The following FAM246A variants were observed in gnomAD, a reference collection of about 807,000 sequenced individuals.
The protein encoded by FAM246A is protein FAM246A.
exon 1 of FAM246A, among the ~76,000 whole-genome samples, chr22:21,361,253 C>G (rs1362316264): frequency 6.7e-6 from 1 of 149,978 alleles, no homozygotes; most frequent in African/African-American, 2.4e-5. Context: ...CTCGCTGGCT[C>G]TGTACGCACT....
Position 21,360,807 on chromosome 22 carries a change from C to A in FAM246A, c.493G>T (p.Glu165Ter), listed in dbSNP as rs1921838508. Residue 165 changes from glutamate (E) to a stop codon, truncating the protein, a stop_gained, in exon 1 of 1, where the codon GAG (glutamate) becomes TAG (stop). Coordinates refer to ENST00000652479, the Ensembl canonical transcript of FAM246A. LOFTEE classifies it high-confidence loss of function. The stretch of plus-strand genomic sequence containing the variant: ...GTGGCGCGGGGGACGGCGCGGGGCT[C>A]GCGGCGGGCAGGCGGGGACGGCGGC... Among the ~76,000 whole-genome samples the A allele has an allele frequency of 7.0e-6, 1 of 143,422 alleles. No individual in the cohort carries two copies. Among genetic ancestry groups the A allele is most frequent in the African/African-American group, 2.6e-5 (1 of 38,552 alleles). 94.1% of individuals were successfully genotyped at this position (143,422 alleles called of 152,430 possible).
chr22:21,360,665 G>C lies in FAM246A; in HGVS notation c.635C>G (p.Pro212Arg), dbSNP rs961304138. The change falls in exon 1 of 1, where the codon CCG (proline) becomes CGG (arginine). Residue 212 changes from proline to arginine, a missense_variant. By Grantham distance (103) the Pro-to-Arg change is moderately radical (BLOSUM62 -2). Coordinates refer to ENST00000652479, the Ensembl canonical transcript of FAM246A. ...CATCTTCTTGTGGTTCTTCCTGACC[G>C]GGGCTCGGTGCGCTCCGCATTCTGC... 1.7e-3 allele frequency among the ~76,000 whole-genome samples: 252 copies of C among 146,222 alleles called. 16 individuals are homozygous for C. The highest frequency in any genetic ancestry group is 6.3e-3 in the African/African-American group (245 of 38,810).
chr22:21,360,868 C>G (rs1354078383), exon 1 of FAM246A, among the ~76,000 whole-genome samples: 1 of 145,624 alleles, frequency 6.9e-6, no homozygotes, highest in Non-Finnish European at 1.5e-5. Context: ...CGTCCAGCTC[C>G]GCTCGAAGCT....
At chr22:21,360,765 G>A (rs1921836201) in exon 1 of FAM246A, among the ~76,000 whole-genome samples, 1 of 147,232 alleles carries the variant, frequency 6.8e-6, no homozygotes, top group Non-Finnish European at 1.5e-5. Context: ...GTCCGCAGCA[G>A]GGTCGGGCCG....
exon 1 of FAM246A, among the ~76,000 whole-genome samples, chr22:21,360,704 G>C (rs916935532): frequency 6.8e-6 from 1 of 147,072 alleles, no homozygotes; most frequent in Non-Finnish European, 1.5e-5. Context: ...GCCGTCCGGG[G>C]CGTCGTCTGC....
rs1009793944 is a variant in FAM246A, at chr22:21,360,764, A to G, written c.536T>C (p.Leu179Pro). The change falls in exon 1 of 1, where the codon CTG (leucine) becomes CCG (proline). Residue 179 changes from leucine (L) to proline (P), a missense_variant. Physicochemically the swap from Leu to Pro is moderately conservative, Grantham distance 98 (BLOSUM62 -3). Coordinates refer to ENST00000652479, the Ensembl canonical transcript of FAM246A. ...GCTCACGGTGCCGAGCGTCCGCAGC[A>G]GGGTCGGGCCGCGGGGCGTGGCGCG... Among the ~76,000 whole-genome samples the G allele has an allele frequency of 1.6e-4, 24 of 147,118 alleles. 1 individual carries two copies. The highest frequency in any genetic ancestry group is 5.8e-4 in the African/African-American group (23 of 39,596).
chr22:21,361,233 G>A (rs1423288209), exon 1 of FAM246A, among the ~76,000 whole-genome samples: 1 of 150,646 alleles, frequency 6.6e-6, no homozygotes, highest in African/African-American at 2.4e-5. Context: ...CCCGTGACGC[G>A]CCGCAGCACC....
At position 21,360,744 on chromosome 22, in the gene FAM246A, C is replaced by T. The variant is rs1478738633; in HGVS notation, c.556G>A (p.Val186Met). The change falls in exon 1 of 1, where the codon GTG becomes ATG. Residue 186 changes from valine to methionine, a missense_variant. Physicochemically the swap from Val to Met is conservative, Grantham distance 21. Coordinates refer to ENST00000652479, the Ensembl canonical transcript of FAM246A. Reference sequence around the variant, plus strand: ...CTGGAGGCGGCGACCAGGGCGCTCACGGTGCCGAGCGTCCGCAGCAGGGTC... The same window carrying T: ...CTGGAGGCGGCGACCAGGGCGCTCATGGTGCCGAGCGTCCGCAGCAGGGTC... Among the ~76,000 whole-genome samples the T allele has an allele frequency of 1.2e-4, 17 of 147,364 alleles. No individual in the cohort carries two copies. In the East Asian group the frequency reaches 3.2e-3, roughly 28 times the overall value.
exon 1 of FAM246A, among the ~76,000 whole-genome samples, chr22:21,361,054 G>GCCCGCCGCCCCGGCC (rs1192997827): frequency 6.8e-6 from 1 of 147,616 alleles, no homozygotes; most frequent in Non-Finnish European, 1.5e-5. Flanking sequence ...TCTCGCCCGC[G>GCCCGCCGCCCCGGCC]CCCGCCGCCC....
chr22:21,360,865 C>T (rs935779404), exon 1 of FAM246A, among the ~76,000 whole-genome samples: 7 of 145,674 alleles, frequency 4.8e-5, no homozygotes, highest in Admixed American at 4.7e-4. Flanking sequence ...GAGCGTCCAG[C>T]TCCGCTCGAA....
downstream of FAM246A, among the ~76,000 whole-genome samples, chr22:21,359,843 CTG>C (rs1921818071): frequency 7.4e-6 from 1 of 134,988 alleles, no homozygotes; most frequent in South Asian, 2.6e-4. Context: ...GAGGGTGACT[CTG>C]GAGAGATGTT....
At position 21,360,750 on chromosome 22, in the gene FAM246A, C is replaced by G. The variant is rs1193835611; in HGVS notation, c.550G>C (p.Gly184Arg). The change falls in exon 1 of 1, where the codon GGC becomes CGC. Residue 184 changes from glycine (G) to arginine (R), a missense_variant. Coordinates refer to ENST00000652479, the Ensembl canonical transcript of FAM246A. ...GCGGCGACCAGGGCGCTCACGGTGC[C>G]GAGCGTCCGCAGCAGGGTCGGGCCG... 1.2e-4 allele frequency among the ~76,000 whole-genome samples: 17 copies of G among 147,330 alleles called. No individual in the cohort carries two copies. The East Asian group carries it at 3.4e-3, about 29-fold the overall frequency.
exon 1 of FAM246A, among the ~76,000 whole-genome samples, chr22:21,360,767 G>A (rs1921836325): frequency 6.8e-6 from 1 of 147,204 alleles, no homozygotes; most frequent in Admixed American, 6.7e-5. Context: ...CCGCAGCAGG[G>A]TCGGGCCGCG....
At chr22:21,361,253 C>T (rs1362316264) in exon 1 of FAM246A, among the ~76,000 whole-genome samples, 2 of 149,978 alleles carry the variant, frequency 1.3e-5, no homozygotes, top group Admixed American at 6.6e-5. Context: ...CTCGCTGGCT[C>T]TGTACGCACT....
At chr22:21,361,210 G>A (rs1251842426) in exon 1 of FAM246A, among the ~76,000 whole-genome samples, 1 of 151,218 alleles carries the variant, frequency 6.6e-6, no homozygotes, top group Non-Finnish European at 1.5e-5. Context: ...GCGGCCCCGG[G>A]TCCCGCCGGC....
exon 1 of FAM246A, among the ~76,000 whole-genome samples, chr22:21,360,787 G>A (rs1304414710): frequency 6.8e-6 from 1 of 146,348 alleles, no homozygotes; most frequent in Admixed American, 6.7e-5. Flanking sequence ...GGGGCGTGGC[G>A]CGGGGGACGG....
exon 1 of FAM246A, among the ~76,000 whole-genome samples, chr22:21,361,169 C>T (rs1331975474): frequency 6.6e-6 from 1 of 151,554 alleles, no homozygotes; most frequent in Non-Finnish European, 1.5e-5. Context: ...GCCCGGGGCT[C>T]GGGCGTCTTC....
chr22:21,360,704 G>T (rs916935532), exon 1 of FAM246A, among the ~76,000 whole-genome samples: 1 of 147,072 alleles, frequency 6.8e-6, no homozygotes, highest in Non-Finnish European at 1.5e-5. Flanking sequence ...GCCGTCCGGG[G>T]CGTCGTCTGC....
At position 21,360,761 on chromosome 22, in the gene FAM246A, A is replaced by G. The variant is rs892601859; in HGVS notation, c.539T>C (p.Leu180Pro). ...GGCGCTCACGGTGCCGAGCGTCCGC[A>G]GCAGGGTCGGGCCGCGGGGCGTGGC... Residue 180 changes from leucine (L) to proline (P), a missense_variant, in exon 1 of 1, where the codon CTG becomes CCG. By Grantham distance (98) the Leu-to-Pro change is moderately conservative (BLOSUM62 -3). Transcript: ENST00000652479. 7.8e-3 allele frequency among the ~76,000 whole-genome samples: 1,148 copies of G among 147,196 alleles called. 16 individuals are homozygous for G. The highest frequency in any genetic ancestry group is 0.021 in the Middle Eastern group (6 of 290).
Sources: gnomAD v4.1 joint callset for allele counts (sites outside exome capture counted in the v4.1 genomes callset) on GRCh38, gnomAD v4.1.1 for gene constraint, MANE v1.5 for transcripts, NCBI Gene and HGNC (gene_info 2026-07-23, HGNC 2026-07-21) for gene names.